ERC1: variants seen among roughly 807,000 people sequenced by gnomAD.
ERC1 encodes the protein RAB6 interacting protein 2.
In ERC1, 56 loss-of-function variants were observed where a neutral mutation model predicts 132.0. That is an observed-to-expected ratio of 0.42 (90% CI 0.34 to 0.53). ERC1 has a LOEUF of 0.53. ERC1 is among the 20% of genes least tolerant of loss of function. The pLI, the probability that ERC1 is intolerant of heterozygous loss-of-function variation, is 0.03. For missense variants in ERC1, 1,202 were observed against 1,349.9 expected (o/e 0.89, Z 1.72); for synonymous variants, 478 against 476.1 (o/e 1.00, Z -0.05).
chr12:1,330,175 G>A (rs2082756671), intron 15 of ERC1, among the ~76,000 whole-genome samples: 1 of 152,144 alleles, frequency 6.6e-6, no homozygotes, highest in South Asian at 2.1e-4. Context: ...ACACGACAAT[G>A]GGAAAAGTCA....
At chr12:1,336,487 T>A (rs1274373875) in intron 15 of ERC1, among the ~76,000 whole-genome samples, 3 of 152,220 alleles carry the variant, frequency 2.0e-5, no homozygotes, top group African/African-American at 7.2e-5. Context: ...TCTTGATTTC[T>A]GCCTTAGTTT....
At chr12:1,008,263 A>C (rs558930008) in intron 1 of ERC1, among the ~76,000 whole-genome samples, 2 of 152,358 alleles carry the variant, frequency 1.3e-5, no homozygotes, top group African/African-American at 4.8e-5. Flanking sequence ...GGACAACAGT[A>C]GCTGCCAGAA....
At chr12:1,340,157 G>T (rs758881496) in intron 15 of ERC1, among the ~76,000 whole-genome samples, 1 of 152,100 alleles carries the variant, frequency 6.6e-6, no homozygotes, top group Non-Finnish European at 1.5e-5. Flanking sequence ...GACAGCCTCC[G>T]GGGTACCCAA....
intron 13 of ERC1, among the ~76,000 whole-genome samples, chr12:1,239,651 A>C (rs763238609): frequency 1.3e-5 from 2 of 152,172 alleles, no homozygotes; most frequent in Non-Finnish European, 2.9e-5. Context: ...CCAGGAGTTC[A>C]GGGTTGCAGT....
At chr12:1,441,243 T>C (rs1592086967) in intron 17 of ERC1, among the ~76,000 whole-genome samples, 1 of 151,734 alleles carries the variant, frequency 6.6e-6, no homozygotes, top group African/African-American at 2.4e-5. Flanking sequence ...ATTTTTTTAG[T>C]AGAGATGGGG....
Position 1,493,835 on chromosome 12 carries a change from GA to G in ERC1, c.*3607del, listed in dbSNP as rs200531259. Reference sequence around the variant, plus strand: ...ACCCACCCCCAGAGTGAGAGAAGAGGAAGGCGAAGTCATCACAGACACGGTC... The same window carrying G: ...ACCCACCCCCAGAGTGAGAGAAGAGGAGGCGAAGTCATCACAGACACGGTC... On this transcript the variant is annotated 3_prime_UTR_variant, in exon 19 of 19. Transcript: ENST00000360905. 1,370 of 226,408 alleles carry G rather than the reference GA, an allele frequency of 6.1e-3. 23 individuals carry two copies. The highest frequency in any genetic ancestry group is 0.028 in the African/African-American group (1,272 of 44,860). The allele number at this position is 226,408 out of a possible 1,614,324, so 14.0% of individuals were successfully genotyped here.
At chr12:1,170,357 CT>C (rs1229584725) in intron 8 of ERC1, among the ~76,000 whole-genome samples, 6 of 152,076 alleles carry the variant, frequency 3.9e-5, no homozygotes, top group Admixed American at 3.9e-4. Context: ...AATTAAGCCT[CT>C]TGTGCCTGCT....
At chr12:996,153 A>G (rs1457792433) in intron 1 of ERC1, among the ~76,000 whole-genome samples, 8 of 148,838 alleles carry the variant, frequency 5.4e-5, no homozygotes, top group Non-Finnish European at 4.4e-5. Flanking sequence ...CAGTGGCGCA[A>G]TCTCGGCTCA....
At chr12:1,001,243 A>G (rs536927936) in intron 1 of ERC1, among the ~76,000 whole-genome samples, 1 of 152,124 alleles carries the variant, frequency 6.6e-6, no homozygotes, top group Non-Finnish European at 1.5e-5. Context: ...ATTTTTGTGG[A>G]TATTGAGTTT....
intron 18 of ERC1, among the ~76,000 whole-genome samples, chr12:1,461,148 G>C (rs1348156614): frequency 6.6e-6 from 1 of 151,726 alleles, no homozygotes; most frequent in African/African-American, 2.4e-5. Context: ...AAAAACTAAG[G>C]TTGACTCCCC....
intron 1 of ERC1, among the ~76,000 whole-genome samples, chr12:1,001,985 C>T (rs898210065): frequency 6.6e-6 from 1 of 150,848 alleles, no homozygotes. Context: ...CCCAGCCTCC[C>T]GAGTAGCTGG....
rs1427907584 is a variant in ERC1 at position 1,408,338 on chromosome 12, A to G, written c.3024+91A>G. On this transcript the variant is annotated intron_variant, in intron 17 of 18. Transcript: ENST00000360905. ...TAGCATGTTGCAAATTCTGAGATAT[A>G]AGTTAGAAGAATAAAAATAAATAGC... 6 of 801,046 alleles carry G rather than the reference A, an allele frequency of 7.5e-6. No individual in the cohort carries two copies. In the East Asian group the frequency reaches 1.6e-4, roughly 22 times the overall value. 49.6% of individuals were successfully genotyped at this position (801,046 alleles called of 1,614,324 possible).
At chr12:1,430,412 C>T (rs1267275618) in intron 17 of ERC1, 1 of 151,564 alleles carries the variant, frequency 6.6e-6, no homozygotes, top group Non-Finnish European at 1.5e-5. Context: ...GAGTCTCGCT[C>T]TGTTGCCCAG....
At chr12:1,274,480 T>TTTTATTTATTTATTTATTTA (rs368234236) in intron 14 of ERC1, among the ~76,000 whole-genome samples, 85 of 150,224 alleles carry the variant, frequency 5.7e-4, no homozygotes, top group African/African-American at 2.1e-3. Flanking sequence ...TTTTATTTTA[T>TTTTATTTATTTATTTATTTA]TTTATTTATT....
chr12:1,444,786 G>GA (rs771053317), intron 18 of ERC1, 36 bp downstream of exon 18: 1 of 1,600,416 alleles, frequency 6.2e-7, no homozygotes, highest in Non-Finnish European at 8.5e-7. Context: ...AAGAGCCTGT[G>GA]AAAATCCAGT....
intron 12 of ERC1, among the ~76,000 whole-genome samples, chr12:1,215,034 T>G (rs1958263513): frequency 6.6e-6 from 1 of 152,210 alleles, no homozygotes; most frequent in Non-Finnish European, 1.5e-5. Flanking sequence ...GATTTACAAG[T>G]TACCATGTTA....
intron 7 of ERC1, among the ~76,000 whole-genome samples, chr12:1,117,711 G>A (rs1257007106): frequency 6.6e-6 from 1 of 152,178 alleles, no homozygotes; most frequent in Non-Finnish European, 1.5e-5. Flanking sequence ...CTGGCACATA[G>A]TAAAGTCTTT....
At chr12:1,140,553 G>T (rs185837925) in intron 7 of ERC1, among the ~76,000 whole-genome samples, 2 of 152,234 alleles carry the variant, frequency 1.3e-5, no homozygotes, top group Non-Finnish European at 2.9e-5. Flanking sequence ...TTTGGGGATG[G>T]TCAACCTGTA....
rs1225907254 is a variant in ERC1, at chr12:1,181,905, T to C, written c.1876-20T>C. Reference sequence around the variant, plus strand: ...GTGCAAAAGGGAATTTCTTCACATGTTGATATATTCTCTCATCAGGAGCGG... The same window carrying C: ...GTGCAAAAGGGAATTTCTTCACATGCTGATATATTCTCTCATCAGGAGCGG... On this transcript the variant is annotated intron_variant, in intron 9 of 18. Transcript: ENST00000360905. 3 of 1,597,222 alleles carry C rather than the reference T, an allele frequency of 1.9e-6. No individual in the cohort carries two copies. The East Asian group carries it at 6.7e-5, about 36-fold the overall frequency.
Sources: gnomAD v4.1 joint callset for allele counts (sites outside exome capture counted in the v4.1 genomes callset) on GRCh38, gnomAD v4.1.1 for gene constraint, MANE v1.5 for transcripts, NCBI Gene and HGNC (gene_info 2026-07-23, HGNC 2026-07-21) for gene names.